The following KCTD16 variants were observed in gnomAD, a reference collection of about 807,000 sequenced individuals.
KCTD16 encodes potassium channel tetramerization domain containing 16.
In KCTD16, 13 loss-of-function variants were observed where a neutral mutation model predicts 33.2. That is an observed-to-expected ratio of 0.39 (90% CI 0.25 to 0.62). The LOEUF (loss-of-function observed/expected upper bound fraction) is 0.62, where lower values mean the gene tolerates loss of function less well. KCTD16 is among the 20% of genes least tolerant of loss of function. The pLI, the probability that KCTD16 is intolerant of heterozygous loss-of-function variation, is 0.50. For missense variants in KCTD16, 441 were observed against 525.1 expected (o/e 0.84, Z 1.57); for synonymous variants, 197 against 195.3 (o/e 1.01, Z -0.07).
intron 3 of KCTD16, among the ~76,000 whole-genome samples, chr5:144,428,576 A>G (rs896515994): frequency 1.3e-5 from 2 of 152,308 alleles, no homozygotes; most frequent in Admixed American, 6.5e-5. Flanking sequence ...TTGTCATTTT[A>G]CAAGGATTAC....
intron 3 of KCTD16, among the ~76,000 whole-genome samples, chr5:144,404,470 A>T (rs1393880682): frequency 1.3e-5 from 2 of 152,192 alleles, no homozygotes; most frequent in African/African-American, 4.8e-5. Context: ...TTGGTTGATA[A>T]GTATCCTGGT....
At chr5:144,180,831 T>G (rs1305191664) in intron 2 of KCTD16, among the ~76,000 whole-genome samples, 1 of 152,224 alleles carries the variant, frequency 6.6e-6, no homozygotes, top group Non-Finnish European at 1.5e-5. Context: ...ACATCATCCT[T>G]GGAAGTCATG....
intron 3 of KCTD16, among the ~76,000 whole-genome samples, chr5:144,301,314 G>T (rs1445561120): frequency 6.6e-6 from 1 of 151,972 alleles, no homozygotes; most frequent in Non-Finnish European, 1.5e-5. Context: ...GTTTTGGAAG[G>T]CAGTGGGAAG....
intron 3 of KCTD16, among the ~76,000 whole-genome samples, chr5:144,259,584 G>T (rs760456767): frequency 2.8e-4 from 43 of 152,140 alleles, no homozygotes; most frequent in Non-Finnish European, 5.9e-4. Flanking sequence ...TAAAGAAATG[G>T]GTGTTTCCAT....
At chr5:144,445,001 G>A (rs923094530) in intron 3 of KCTD16, among the ~76,000 whole-genome samples, 6 of 150,020 alleles carry the variant, frequency 4.0e-5, no homozygotes, top group Non-Finnish European at 5.9e-5. Flanking sequence ...GCATATATAT[G>A]TACACATATA....
At chr5:144,196,736 C>G (rs903155970) in intron 2 of KCTD16, among the ~76,000 whole-genome samples, 9 of 152,268 alleles carry the variant, frequency 5.9e-5, no homozygotes, top group African/African-American at 2.2e-4. Context: ...GAATGGCAAC[C>G]AGATTTATCA....
chr5:144,345,261 G>T (rs1752766027), intron 3 of KCTD16, among the ~76,000 whole-genome samples: 1 of 150,702 alleles, frequency 6.6e-6, no homozygotes, highest in Non-Finnish European at 1.5e-5. Flanking sequence ...GCTAAATGAG[G>T]AGTTAATGGG....
rs1443528934 is a variant in KCTD16, at chr5:144,283,374, GGAGA to G, written c.832+75831_832+75834del. Reference sequence around the variant, plus strand: ...CTAACAGTTTTAGCCATAATCAGTGGGAGAGAAAGTATGGAGTGAATTTACTCCA... The same window carrying G: ...CTAACAGTTTTAGCCATAATCAGTGGGAAAGTATGGAGTGAATTTACTCCA... On this transcript the variant is annotated intron_variant, in intron 3 of 3. Coordinates refer to ENST00000512467, the MANE Select transcript of KCTD16 (RefSeq NM_020768.4). Among the ~76,000 whole-genome samples the G allele has an allele frequency of 5.3e-5, 8 of 152,228 alleles. No individual in the cohort carries two copies. In the East Asian group the frequency reaches 7.7e-4, roughly 15 times the overall value.
At position 144,388,745 on chromosome 5, in the gene KCTD16, A is replaced by G. The variant is rs149124491; in HGVS notation, c.833-84915A>G. On this transcript the variant is annotated intron_variant, in intron 3 of 3. Coordinates refer to ENST00000512467, the MANE Select transcript of KCTD16 (RefSeq NM_020768.4). ...CTTAGCCATGCTGACAGGTAGCAACATGGAGAAAAATATATATTCTATATC... is the reference window on the plus strand; with the variant it reads ...CTTAGCCATGCTGACAGGTAGCAACGTGGAGAAAAATATATATTCTATATC... 4.6e-3 allele frequency among the ~76,000 whole-genome samples: 694 copies of G among 152,360 alleles called. 3 individuals are homozygous for G. The highest frequency in any genetic ancestry group is 0.016 in the African/African-American group (664 of 41,596).
intron 3 of KCTD16, among the ~76,000 whole-genome samples, chr5:144,212,519 C>G (rs1011094127): frequency 6.6e-6 from 1 of 152,070 alleles, no homozygotes; most frequent in Non-Finnish European, 1.5e-5. Context: ...TTCTAACAGC[C>G]TAATGAGGTT....
At chr5:144,430,481 A>T (rs985619757) in intron 3 of KCTD16, among the ~76,000 whole-genome samples, 1 of 152,068 alleles carries the variant, frequency 6.6e-6, no homozygotes, top group Non-Finnish European at 1.5e-5. Context: ...CCAACTTGCT[A>T]TGTGGCCTCA....
chr5:144,321,319 A>G (rs755274775), intron 3 of KCTD16, among the ~76,000 whole-genome samples: 4 of 152,182 alleles, frequency 2.6e-5, no homozygotes, highest in African/African-American at 7.2e-5. Flanking sequence ...GGTGTTAAAA[A>G]TGTGTATTCC....
intron 3 of KCTD16, among the ~76,000 whole-genome samples, chr5:144,361,010 C>T (rs1295149708): frequency 6.6e-6 from 1 of 150,844 alleles, no homozygotes; most frequent in Non-Finnish European, 1.5e-5. Context: ...CCCACTAACT[C>T]GTCATCTAGC....
At position 144,481,935 on chromosome 5, in the gene KCTD16, A is replaced by AT. The variant is rs1413655782; in HGVS notation, c.*7824dup. On this transcript the variant is annotated 3_prime_UTR_variant, in exon 4 of 4. Transcript: ENST00000512467. ...CTGAGTACTTTTCATGCCTTATCTC[A>AT]TTTAATCCTATCATAATCCAATGAA... 1 of 151,912 alleles carries AT rather than the reference A, an allele frequency of 6.6e-6. No individual in the cohort carries two copies. Among genetic ancestry groups the AT allele is most frequent in the Non-Finnish European group, 1.5e-5 (1 of 67,922 alleles). 9.4% of individuals were successfully genotyped at this position (151,912 alleles called of 1,614,324 possible).
chr5:144,303,790 T>C (rs761995993), intron 3 of KCTD16, among the ~76,000 whole-genome samples: 2 of 152,154 alleles, frequency 1.3e-5, no homozygotes, highest in Non-Finnish European at 2.9e-5. Context: ...CTCTCCTGCC[T>C]TCACCTTCTG....
At chr5:144,429,551 C>T (rs1753410972) in intron 3 of KCTD16, among the ~76,000 whole-genome samples, 1 of 152,042 alleles carries the variant, frequency 6.6e-6, no homozygotes, top group South Asian at 2.1e-4. Context: ...TCTCTTTAAC[C>T]AATCATGCAG....
chr5:144,424,212 C>G (rs566988626), intron 3 of KCTD16, among the ~76,000 whole-genome samples: 49 of 152,278 alleles, frequency 3.2e-4, no homozygotes, highest in African/African-American at 1.1e-3. Flanking sequence ...GCCCTAAAAC[C>G]TGCTCTTGTA....
rs995732837 is a variant in KCTD16 at position 144,474,752 on chromosome 5, A to C, written c.*638A>C. ...CTGCTCCCAGCAGCCCTCTCTTAGA[A>C]TATTTCAGATGGATGAGCTTCTGAC... On this transcript the variant is annotated 3_prime_UTR_variant, in exon 4 of 4. Coordinates refer to ENST00000512467, the MANE Select transcript of KCTD16 (RefSeq NM_020768.4). 1.3e-5 allele frequency: 2 copies of C among 152,414 alleles called. No homozygotes were observed. Among genetic ancestry groups the C allele is most frequent in the African/African-American group, 4.8e-5 (2 of 41,432 alleles). The allele number at this position is 152,414 out of a possible 1,614,324, so 9.4% of individuals were successfully genotyped here. A position where few individuals can be genotyped will look rare whatever the true frequency, so the allele number is the denominator to read the frequency against.
chr5:144,289,021 AAAAC>A lies in KCTD16; in HGVS notation c.832+81491_832+81494del, dbSNP rs370479181. On this transcript the variant is annotated intron_variant, in intron 3 of 3. Coordinates refer to ENST00000512467, the MANE Select transcript of KCTD16 (RefSeq NM_020768.4). ...AATAGTGAAACTCTGTCTCAAAACA[AAAAC>A]AAACAAACAAACAAAAAAACAAGCA... Among the ~76,000 whole-genome samples the A allele has an allele frequency of 1.1e-3, 167 of 152,194 alleles. 1 individual carries two copies. The highest frequency in any genetic ancestry group is 6.8e-3 in the Middle Eastern group (2 of 294).
Sources: allele counts gnomAD v4.1 joint callset (sites outside exome capture counted in the v4.1 genomes callset), GRCh38; gene constraint gnomAD v4.1.1; transcripts MANE v1.5; gene names NCBI Gene and HGNC (gene_info 2026-07-23, HGNC 2026-07-21).